CAPN13: variants seen among roughly 807,000 people sequenced by gnomAD.
CAPN13 encodes calpain 13, also known as calpain-13.
Under a neutral mutation model 98.4 loss-of-function variants are expected in CAPN13, and 90 were observed. The observed-to-expected ratio is 0.92, with a 90% confidence interval of 0.77 to 1.09. The LOEUF (loss-of-function observed/expected upper bound fraction) is 1.09. Among genes scored for constraint, CAPN13 ranks in the 50% least tolerant of loss-of-function variants. CAPN13 has a pLI of 0.00. For missense variants in CAPN13, 887 were observed against 841.3 expected (o/e 1.05, Z -0.67); for synonymous variants, 330 against 305.5 (o/e 1.08, Z -0.84).
At chr2:30,800,142 A>AAGAAAGAG (rs1675157753) in intron 1 of CAPN13, among the ~76,000 whole-genome samples, 1 of 148,282 alleles carries the variant, frequency 6.7e-6, no homozygotes, top group Non-Finnish European at 1.5e-5. Flanking sequence ...GAAAGAAAGA[A>AAGAAAGAG]AGAAAGAAAG....
At chr2:30,781,260 C>G (rs1673970427) in intron 2 of CAPN13, among the ~76,000 whole-genome samples, 1 of 152,238 alleles carries the variant, frequency 6.6e-6, no homozygotes, top group Non-Finnish European at 1.5e-5. Flanking sequence ...GTTCTTCACT[C>G]TGACCACACC....
At chr2:30,760,622 A>G (rs988752126) in intron 7 of CAPN13, among the ~76,000 whole-genome samples, 1 of 152,206 alleles carries the variant, frequency 6.6e-6, no homozygotes, top group Admixed American at 6.5e-5. Context: ...GAGCAGATTA[A>G]AAAGCGCGCC....
At chr2:30,734,007 C>A (rs1247618521) in intron 19 of CAPN13, among the ~76,000 whole-genome samples, 1 of 152,180 alleles carries the variant, frequency 6.6e-6, no homozygotes, top group Non-Finnish European at 1.5e-5. Context: ...AAAGCCTTTG[C>A]CTACTTGAAG....
In CAPN13 at chr2:30,767,072, G is replaced by A. The variant is rs973140524; in HGVS notation, c.525-2766C>T. On this transcript the variant is annotated intron_variant, in intron 5 of 22. Coordinates refer to ENST00000295055, the MANE Select transcript of CAPN13 (RefSeq NM_144575.3). ...TTTTCCTGTAGGACTGACAGCGTCA[G>A]GGATGGTGGGAAGGCATGGGAAATA... is the stretch of plus-strand genomic sequence containing the variant. 3.9e-5 allele frequency among the ~76,000 whole-genome samples: 6 copies of A among 152,224 alleles called. No homozygotes were observed. In the South Asian group the frequency reaches 1.2e-3, roughly 32 times the overall value.
intron 22 of CAPN13, among the ~76,000 whole-genome samples, chr2:30,728,823 G>T (rs769286282): frequency 5.3e-5 from 8 of 152,344 alleles, no homozygotes; most frequent in Non-Finnish European, 1.0e-4. Flanking sequence ...GGGAGGCCAT[G>T]CCAAAGTCAG....
intron 7 of CAPN13, among the ~76,000 whole-genome samples, chr2:30,761,533 G>A (rs115533233): frequency 0.011 from 1,636 of 152,164 alleles, 28 homozygotes; most frequent in African/African-American, 0.038. Context: ...TGGACCTCTG[G>A]GTACACGAAT....
At chr2:30,798,250 A>G (rs1330196077) in intron 1 of CAPN13, among the ~76,000 whole-genome samples, 2 of 152,250 alleles carry the variant, frequency 1.3e-5, no homozygotes, top group Admixed American at 1.3e-4. Context: ...ATTGCATGGT[A>G]CTGAAGAAGA....
At position 30,776,054 on chromosome 2, in the gene CAPN13, G is replaced by T; in HGVS notation, c.272-9C>A. The T allele has an allele frequency of 6.3e-7, 1 of 1,594,004 alleles. No homozygotes were observed. Among genetic ancestry groups the T allele is most frequent in the Non-Finnish European group, 8.6e-7 (1 of 1,166,436 alleles). On this transcript the variant is annotated splice_polypyrimidine_tract_variant and intron_variant, in intron 3 of 22. Coordinates refer to ENST00000295055, the MANE Select transcript of CAPN13 (RefSeq NM_144575.3). ...CAGGAACCAGCAGTCAGCTGTGAGGGGAGATAAGCCAGGAAAGGCTGATTG... is the reference window on the plus strand; with the variant it reads ...CAGGAACCAGCAGTCAGCTGTGAGGTGAGATAAGCCAGGAAAGGCTGATTG...
At chr2:30,796,422 C>G (rs1674887841) in intron 1 of CAPN13, among the ~76,000 whole-genome samples, 2 of 151,846 alleles carry the variant, frequency 1.3e-5, no homozygotes, top group Non-Finnish European at 2.9e-5. Context: ...ACCCAGAGAT[C>G]ATGGATGAAT....
At chr2:30,767,276 A>G (rs1051801321) in intron 5 of CAPN13, among the ~76,000 whole-genome samples, 5 of 152,046 alleles carry the variant, frequency 3.3e-5, no homozygotes, top group South Asian at 2.1e-4. Context: ...TGCATTTCAG[A>G]GCTTCCTTTT....
At chr2:30,780,932 T>C (rs55761609) in intron 2 of CAPN13, among the ~76,000 whole-genome samples, 78,217 of 151,958 alleles carry the variant, frequency 0.51, 21,122 homozygotes, top group South Asian at 0.67. Flanking sequence ...TGTTACCAGA[T>C]GGGTCAGGCA....
rs1672995096 is a variant in CAPN13 at position 30,764,218 on chromosome 2, G to C, written c.613C>G (p.Leu205Val). The C allele has an allele frequency of 6.2e-7, 1 of 1,612,684 alleles. No homozygotes were observed. The change falls in exon 6 of 23, where the codon CTG (leucine) becomes GTG (valine). Residue 205 changes from leucine to valine, a missense_variant. Leu to Val is a conservative substitution (Grantham distance 32, BLOSUM62 1). Coordinates refer to ENST00000295055, the MANE Select transcript of CAPN13 (RefSeq NM_144575.3). ...LTGGVITNIH[L>V]HSSPVDLVKA... is the part of the protein sequence containing the mutation. ...ACCAGGTCCACAGGGGAAGAGTGCA[G>C]ATGGATGTTGGTGATCACGCCTCCT...
At chr2:30,756,622 G>T (rs556772490) in intron 8 of CAPN13, among the ~76,000 whole-genome samples, 1 of 152,230 alleles carries the variant, frequency 6.6e-6, no homozygotes. Context: ...AATCAGGGGT[G>T]CTGGCTGATC....
At chr2:30,805,846 C>T (rs1377752008) in intron 1 of CAPN13, among the ~76,000 whole-genome samples, 3 of 150,452 alleles carry the variant, frequency 2.0e-5, no homozygotes, top group Non-Finnish European at 3.0e-5. Flanking sequence ...CTCAAGCAAT[C>T]CTTTCACCTC....
At chr2:30,766,183 G>C (rs1335405412) in intron 5 of CAPN13, among the ~76,000 whole-genome samples, 1 of 152,188 alleles carries the variant, frequency 6.6e-6, no homozygotes, top group Non-Finnish European at 1.5e-5. Context: ...GCCTTTCCTG[G>C]CTTCAAACAG....
rs1264935367 is a variant in CAPN13 at position 30,787,375 on chromosome 2, G to T, written c.-32-18C>A. On this transcript the variant is annotated intron_variant, in intron 1 of 22. Transcript: ENST00000295055. ...GTCCTTTCCTGTTGGTGAGAAAAAG[G>T]GATACCTTTGGGGTAAGCCATCAAG... 3 of 1,541,962 alleles carry T rather than the reference G, an allele frequency of 1.9e-6. No individual in the cohort carries two copies. Among genetic ancestry groups the T allele is most frequent in the African/African-American group, 2.7e-5 (2 of 72,874 alleles).
intron 9 of CAPN13, 116 bp from the exon 10 acceptor site, chr2:30,753,314 G>T: frequency 9.5e-7 from 1 of 1,057,824 alleles, no homozygotes; most frequent in Non-Finnish European, 1.4e-6. Flanking sequence ...TCTGATCCTG[G>T]CTCATTCACC....
chr2:30,761,055 T>A (rs2148015723), intron 7 of CAPN13, among the ~76,000 whole-genome samples: 2 of 152,362 alleles, frequency 1.3e-5, no homozygotes, highest in South Asian at 2.1e-4. Flanking sequence ...AAACCAGCAG[T>A]GCTTGCACTG....
At position 30,758,000 on chromosome 2, in the gene CAPN13, A is replaced by T. The variant is rs751667800; in HGVS notation, c.866+46T>A. ...CTCATGGGCAGGAGGCTCTACCGAC[A>T]CCAAGCGCTCTGTGAAGGATGGAGA... On this transcript the variant is annotated intron_variant, in intron 8 of 22. Coordinates refer to ENST00000295055, the MANE Select transcript of CAPN13 (RefSeq NM_144575.3). The T allele has an allele frequency of 4.8e-6, 7 of 1,463,726 alleles. No homozygotes were observed. In the South Asian group the frequency reaches 9.1e-5, roughly 19 times the overall value. The allele number at this position is 1,463,726 out of a possible 1,614,324, so 90.7% of individuals were successfully genotyped here. A position where few individuals can be genotyped will look rare whatever the true frequency, so the allele number is the denominator to read the frequency against.
Sources: allele counts gnomAD v4.1 joint callset (sites outside exome capture counted in the v4.1 genomes callset), GRCh38; gene constraint gnomAD v4.1.1; transcripts MANE v1.5; gene names NCBI Gene and HGNC (gene_info 2026-07-23, HGNC 2026-07-21).